Variants in NPIPA6 observed in about 807,000 individuals in gnomAD.
NPIPA6 encodes nuclear pore complex interacting protein family, member A6, also known as nuclear pore complex-interacting protein family member A6.
chr16:16,343,712 GTT>G, the NPIPA6 span, among the ~76,000 whole-genome samples: 50 of 103,386 alleles, frequency 4.8e-4, no homozygotes, highest in African/African-American at 1.6e-3. Context: ...ATTCTTGTGT[GTT>G]GTGTGTGTGT....
At chr16:16,343,908 TG>T in the NPIPA6 span, 1 of 19,482 alleles carries the variant, frequency 5.1e-5, no homozygotes, top group Non-Finnish European at 8.8e-5. Flanking sequence ...TTAGTAGAGA[TG>T]GGGTTTCACC....
chr16:16,343,613 C>G, the NPIPA6 span, among the ~76,000 whole-genome samples: 2 of 121,516 alleles, frequency 1.6e-5, no homozygotes, highest in South Asian at 3.0e-4. Flanking sequence ...TGAGGCTGGT[C>G]TCAAACTCCC....
the NPIPA6 span, among the ~76,000 whole-genome samples, chr16:16,338,215 T>C: frequency 2.9e-5 from 2 of 70,124 alleles, no homozygotes; most frequent in Non-Finnish European, 4.8e-5. Flanking sequence ...TTCAAGAATA[T>C]ATAGTTAAAT....
chr16:16,343,652 T>A, the NPIPA6 span, among the ~76,000 whole-genome samples: 2 of 125,372 alleles, frequency 1.6e-5, no homozygotes, highest in African/African-American at 6.5e-5. Flanking sequence ...TGCCTCGGCC[T>A]CCCAAAGTGC....
the NPIPA6 span, chr16:16,334,256 TC>T: frequency 1.3e-3 from 446 of 342,542 alleles, 2 homozygotes; most frequent in Middle Eastern, 4.5e-3. Context: ...TAGGGCTTCT[TC>T]TTTTTTTTTT....
At chr16:16,343,390 C>CTA in the NPIPA6 span, among the ~76,000 whole-genome samples, 97 of 40,728 alleles carry the variant, frequency 2.4e-3, 1 homozygote, top group East Asian at 0.023. Context: ...CGCACCTGGC[C>CTA]TATATATTTT....
chr16:16,337,334 C>A, the NPIPA6 span: 1 of 88,394 alleles, frequency 1.1e-5, no homozygotes. Flanking sequence ...AAGCAATTGT[C>A]CTGCCTCAGC....
chr16:16,337,147 C>G, the NPIPA6 span, among the ~76,000 whole-genome samples: 5 of 90,658 alleles, frequency 5.5e-5, 1 homozygote, highest in Non-Finnish European at 1.1e-4. Flanking sequence ...GATGGCCCCG[C>G]TGCACTCTTG....
At chr16:16,343,588 G>C in the NPIPA6 span, among the ~76,000 whole-genome samples, 9 of 114,134 alleles carry the variant, frequency 7.9e-5, no homozygotes, top group Non-Finnish European at 1.2e-4. Flanking sequence ...CAGAGACAGC[G>C]TTTCTCCATG....
At chr16:16,343,686 A>C in the NPIPA6 span, among the ~76,000 whole-genome samples, 12 of 120,404 alleles carry the variant, frequency 1.0e-4, no homozygotes, top group Non-Finnish European at 1.3e-4. Flanking sequence ...GTGAGCCACC[A>C]TGCCAGCCTC....
chr16:16,337,240 T>A, the NPIPA6 span, among the ~76,000 whole-genome samples: 2 of 113,912 alleles, frequency 1.8e-5, no homozygotes, highest in African/African-American at 8.4e-5. Context: ...TTTTTTTTTT[T>A]TTAAGACAGA....
the NPIPA6 span, among the ~76,000 whole-genome samples, chr16:16,343,087 CAT>C: frequency 0.13 from 11,536 of 92,256 alleles, 26 homozygotes; most frequent in Non-Finnish European, 0.15. Flanking sequence ...GAAGTATATT[CAT>C]GTCATTTTTT....
the NPIPA6 span, chr16:16,336,608 G>A: frequency 9.8e-6 from 2 of 203,500 alleles, no homozygotes; most frequent in African/African-American, 8.9e-5. Context: ...ACTCAGATCG[G>A]GCCCGGTCCC....
At chr16:16,338,723 T>C in the NPIPA6 span, among the ~76,000 whole-genome samples, 1 of 86,154 alleles carries the variant, frequency 1.2e-5, no homozygotes, top group Admixed American at 1.4e-4. Context: ...CGATACTTAT[T>C]TGTGAATGAA....
the NPIPA6 span, among the ~76,000 whole-genome samples, chr16:16,339,346 A>G: frequency 2.2e-5 from 1 of 45,268 alleles, no homozygotes; most frequent in African/African-American, 4.5e-5. Context: ...TTGGCCAGGT[A>G]CAGTGGCTCA....
chr16:16,338,155 ATC>A, the NPIPA6 span, among the ~76,000 whole-genome samples: 1 of 79,756 alleles, frequency 1.3e-5, no homozygotes, highest in African/African-American at 6.7e-5. Flanking sequence ...TTGAAGGGCT[ATC>A]TCTGTTTAAT....
the NPIPA6 span, among the ~76,000 whole-genome samples, chr16:16,338,406 G>A: frequency 8.4e-6 from 1 of 118,962 alleles, no homozygotes. Flanking sequence ...TTTTTTTTGA[G>A]ACAGAGTCTC....
At chr16:16,336,571 C>T in the NPIPA6 span, 2 of 210,488 alleles carry the variant, frequency 9.5e-6, no homozygotes, top group Admixed American at 7.0e-5. Flanking sequence ...CCCTCCCCTT[C>T]CCCTCCCCCT....
chr16:16,343,659 G>C, the NPIPA6 span, among the ~76,000 whole-genome samples: 1 of 124,808 alleles, frequency 8.0e-6, no homozygotes, highest in African/African-American at 3.3e-5. Flanking sequence ...GCCTCCCAAA[G>C]TGCTGGGATT....
Sources: allele counts gnomAD v4.1 joint callset (sites outside exome capture counted in the v4.1 genomes callset), GRCh38; gene constraint gnomAD v4.1.1; transcripts MANE v1.5; gene names NCBI Gene and HGNC (gene_info 2026-07-23, HGNC 2026-07-21).